The following RC3H1 variants were observed in gnomAD, a reference collection of about 807,000 sequenced individuals.
RC3H1 encodes the protein ring finger and CCCH-type domains 1.
Under a neutral mutation model 138.2 loss-of-function variants are expected in RC3H1, and 50 were observed. That is an observed-to-expected ratio of 0.36 (90% CI 0.29 to 0.46). RC3H1 has a LOEUF of 0.46. RC3H1 is among the 20% of genes least tolerant of loss of function. RC3H1 has a pLI of 1.00. For synonymous variants in RC3H1, 462 were observed against 489.1 expected (o/e 0.94, Z 0.73); for missense variants, 1,031 against 1,388.1 (o/e 0.74, Z 4.09).
In RC3H1 at chr1:173,936,755, ATATATATTTTTTT is replaced by A. The variant is rs1210607469; in HGVS notation, c.*1953_*1965del. ...CATATATATATATATATATATATAT[ATATATATTTTTTT>A]TTTTTTTTTTAAAAAAAGAAGACAA... On this transcript the variant is annotated 3_prime_UTR_variant, in exon 20 of 20. Coordinates refer to ENST00000367696, the MANE Select transcript of RC3H1 (RefSeq NM_172071.4). 2.0e-4 allele frequency: 8 copies of A among 40,706 alleles called. No homozygotes were observed. Among genetic ancestry groups the A allele is most frequent in the Middle Eastern group, 0.021 (1 of 48 alleles). The allele number at this position is 40,706 out of a possible 1,614,324, so 2.5% of individuals were successfully genotyped here.
chr1:173,975,287 G>A (rs564452056), intron 7 of RC3H1, among the ~76,000 whole-genome samples: 100 of 152,050 alleles, frequency 6.6e-4, no homozygotes, highest in Admixed American at 1.7e-3. Context: ...GTAGAGACGG[G>A]GTTTCACCAT....
intron 7 of RC3H1, among the ~76,000 whole-genome samples, chr1:173,975,154 G>A (rs1660519410): frequency 2.0e-5 from 3 of 152,200 alleles, no homozygotes; most frequent in South Asian, 4.1e-4. Context: ...GGAGTGCAGT[G>A]GCATGATCTC....
intron 11 of RC3H1, 82 bp from the exon 12 acceptor site, chr1:173,962,177 G>GTGTTTCAGTATTTTA: frequency 2.4e-6 from 3 of 1,230,876 alleles, no homozygotes; most frequent in Non-Finnish European, 3.4e-6. Context: ...TTAAAATACT[G>GTGTTTCAGTATTTTA]AAACACTAAA....
At chr1:174,012,006 T>G (rs1661777607) in intron 1 of RC3H1, among the ~76,000 whole-genome samples, 1 of 152,088 alleles carries the variant, frequency 6.6e-6, no homozygotes, top group African/African-American at 2.4e-5. Flanking sequence ...AGCCGAGAAG[T>G]TCGAGACCAG....
At chr1:173,954,835 A>G (rs1481602552) in intron 13 of RC3H1, among the ~76,000 whole-genome samples, 1 of 152,174 alleles carries the variant, frequency 6.6e-6, no homozygotes, top group Non-Finnish European at 1.5e-5. Flanking sequence ...TTTTCTACTT[A>G]GGATCTTGAA....
intron 12 of RC3H1, 135 bp from the exon 13 acceptor site, chr1:173,961,379 A>C: frequency 1.3e-6 from 1 of 748,856 alleles, no homozygotes; most frequent in Non-Finnish European, 2.1e-6. Flanking sequence ...CCAACACTTA[A>C]CAGAACAAAG....
chr1:173,956,929 G>A (rs1192516814), intron 13 of RC3H1, among the ~76,000 whole-genome samples: 1 of 151,702 alleles, frequency 6.6e-6, no homozygotes, highest in Admixed American at 6.6e-5. Context: ...TTAAATTTTT[G>A]TTGAGAACGA....
chr1:173,997,452 CA>C (rs1661483266), intron 1 of RC3H1, among the ~76,000 whole-genome samples: 1 of 152,072 alleles, frequency 6.6e-6, no homozygotes, highest in South Asian at 2.1e-4. Context: ...AGCCAAATAT[CA>C]AAACTTATTA....
chr1:174,009,581 G>T (rs1661713229), intron 1 of RC3H1, among the ~76,000 whole-genome samples: 1 of 152,170 alleles, frequency 6.6e-6, no homozygotes, highest in Non-Finnish European at 1.5e-5. Flanking sequence ...GCTCATGTCT[G>T]TAATCCCGGC....
At chr1:173,966,497 C>G (rs2102949782) in intron 9 of RC3H1, among the ~76,000 whole-genome samples, 1 of 151,712 alleles carries the variant, frequency 6.6e-6, no homozygotes, top group South Asian at 2.1e-4. Context: ...GGGCAGATCA[C>G]CTGAGGTCAG....
chr1:173,952,161 AAC>A, intron 13 of RC3H1, 23 bp from the exon 14 acceptor site: 8 of 1,492,672 alleles, frequency 5.4e-6, no homozygotes, highest in South Asian at 4.2e-5. Flanking sequence ...AAAGAAAAAA[AAC>A]AAAAAAAAAA....
chr1:173,947,294 T>C (rs1659174835), intron 15 of RC3H1, 75 bp downstream of exon 15: 2 of 984,962 alleles, frequency 2.0e-6, no homozygotes, highest in East Asian at 2.4e-5. Context: ...ACACTGATAG[T>C]AAATGGAGAG....
At chr1:174,018,945 C>T (rs756494072) in intron 1 of RC3H1, among the ~76,000 whole-genome samples, 19 of 152,226 alleles carry the variant, frequency 1.2e-4, no homozygotes, top group Admixed American at 6.5e-4. Flanking sequence ...ATGAAAAATA[C>T]TGCAGAATTC....
At chr1:173,993,886 G>A (rs910840843) in intron 1 of RC3H1, among the ~76,000 whole-genome samples, 50 of 150,790 alleles carry the variant, frequency 3.3e-4, no homozygotes, top group Admixed American at 9.9e-4. Context: ...CAGGCGTGGT[G>A]GCAGGCGCCT....
chr1:174,019,100 G>A (rs545607304), intron 1 of RC3H1, among the ~76,000 whole-genome samples: 4 of 152,136 alleles, frequency 2.6e-5, no homozygotes, highest in Non-Finnish European at 5.9e-5. Context: ...AATTGCCTAT[G>A]TAACAAATTA....
chr1:174,009,247 G>A lies in RC3H1; in HGVS notation c.-151+12849C>T, dbSNP rs1467332713. ...TCTATTTATTGCTTGGTAAAAACAG[G>A]GACCCTGGTTAAGAACATAGTTTGT... On this transcript the variant is annotated intron_variant, in intron 1 of 19. Transcript: ENST00000367696. 2 of 152,026 alleles carry A rather than the reference G, an allele frequency of 1.3e-5. 1 individual carries two copies. Among genetic ancestry groups the A allele is most frequent in the Non-Finnish European group, 2.9e-5 (2 of 68,014 alleles). The allele number at this position is 152,026 out of a possible 1,614,324, so 9.4% of individuals were successfully genotyped here.
At chr1:173,964,213 G>A (rs764994738) in intron 10 of RC3H1, 26 bp from the exon 11 acceptor site, 20 of 1,548,946 alleles carry the variant, frequency 1.3e-5, no homozygotes, top group African/African-American at 1.4e-5. Flanking sequence ...TATGGAAGTT[G>A]TTTAAAAAAT....
chr1:173,962,153 T>C lies in RC3H1; in HGVS notation c.1832-58A>G. The C allele has an allele frequency of 4.7e-6, 7 of 1,478,302 alleles. No homozygotes were observed. The South Asian group carries it at 9.5e-5, about 20-fold the overall frequency. 91.6% of individuals were successfully genotyped at this position (1,478,302 alleles called of 1,614,324 possible). On this transcript the variant is annotated intron_variant, in intron 11 of 19. Transcript: ENST00000367696. ...TAATGAGCCAATTTAGTTTTCTATGTAAGATTTTACCTTTTAAAATACTGA... is the reference window on the plus strand; with the variant it reads ...TAATGAGCCAATTTAGTTTTCTATGCAAGATTTTACCTTTTAAAATACTGA...
chr1:173,950,815 T>C (rs1011579323), intron 14 of RC3H1, among the ~76,000 whole-genome samples: 5 of 151,852 alleles, frequency 3.3e-5, no homozygotes, highest in Non-Finnish European at 7.4e-5. Flanking sequence ...GGAGGATCAC[T>C]TGAGGCCAGG....
Sources: gnomAD v4.1 joint callset for allele counts (sites outside exome capture counted in the v4.1 genomes callset) on GRCh38, gnomAD v4.1.1 for gene constraint, MANE v1.5 for transcripts, NCBI Gene and HGNC (gene_info 2026-07-23, HGNC 2026-07-21) for gene names.